Variants in C8orf34 observed in about 807,000 individuals in gnomAD.
C8orf34 encodes the protein chromosome 8 open reading frame 34.
A neutral mutation model predicts 68.3 loss-of-function variants in C8orf34; 65 were observed. That is an observed-to-expected ratio of 0.95 (90% confidence interval 0.78 to 1.17). The LOEUF is 1.17. C8orf34 is among the 50% of genes most tolerant of loss of function. The pLI is 0.00. For synonymous variants in C8orf34, 244 were observed against 241.2 expected (o/e 1.01, Z -0.11); for missense variants, 664 against 655.4 (o/e 1.01, Z -0.14).
chr8:68,588,677 T>G (rs186730972), intron 7 of C8orf34, among the ~76,000 whole-genome samples: 134 of 152,250 alleles, frequency 8.8e-4, no homozygotes, highest in African/African-American at 3.0e-3. Flanking sequence ...ATTAGATAGG[T>G]CTTCATGCAT....
At chr8:68,516,647 T>TTTATTTA (rs973721137) in intron 5 of C8orf34, among the ~76,000 whole-genome samples, 1 of 151,830 alleles carries the variant, frequency 6.6e-6, no homozygotes, top group African/African-American at 2.4e-5. Flanking sequence ...TATTTATTTA[T>TTTATTTA]TTTTTATTTA....
chr8:68,421,142 C>G (rs1425268098), intron 1 of C8orf34, among the ~76,000 whole-genome samples: 1 of 152,126 alleles, frequency 6.6e-6, no homozygotes, highest in Non-Finnish European at 1.5e-5. Context: ...CAAGACAAAA[C>G]TGTGTTTCAA....
intron 8 of C8orf34, among the ~76,000 whole-genome samples, chr8:68,642,046 G>C (rs1236434178): frequency 6.6e-6 from 1 of 152,122 alleles, no homozygotes; most frequent in Non-Finnish European, 1.5e-5. Flanking sequence ...GAAAACTGAG[G>C]CATGTATTGA....
chr8:68,546,972 T>C (rs1300727189), intron 7 of C8orf34, among the ~76,000 whole-genome samples: 1 of 151,786 alleles, frequency 6.6e-6, no homozygotes, highest in East Asian at 1.9e-4. Flanking sequence ...AAGAAAGTTT[T>C]AAAATTATTG....
chr8:68,420,193 C>T (rs1441915550), intron 1 of C8orf34, among the ~76,000 whole-genome samples: 10 of 151,188 alleles, frequency 6.6e-5, no homozygotes, highest in Non-Finnish European at 1.2e-4. Context: ...CTTTTTATAG[C>T]TTCCCAGGGA....
chr8:68,365,202 G>C (rs1440412275), intron 1 of C8orf34, among the ~76,000 whole-genome samples: 1 of 126,114 alleles, frequency 7.9e-6, no homozygotes, highest in African/African-American at 3.1e-5. Flanking sequence ...CCAGGAAGAA[G>C]TTGAATCTCT....
intron 7 of C8orf34, among the ~76,000 whole-genome samples, chr8:68,610,326 T>C (rs1817979437): frequency 6.6e-6 from 1 of 152,162 alleles, no homozygotes; most frequent in Non-Finnish European, 1.5e-5. Flanking sequence ...TTTGTGGCAC[T>C]ACATGTACCA....
chr8:68,705,129 G>A (rs561591850), intron 8 of C8orf34, among the ~76,000 whole-genome samples: 1 of 152,278 alleles, frequency 6.6e-6, no homozygotes, highest in South Asian at 2.1e-4. Flanking sequence ...AGATGAGTTT[G>A]CTTTTGGACA....
intron 10 of C8orf34, among the ~76,000 whole-genome samples, chr8:68,738,657 A>G (rs1822189547): frequency 6.6e-6 from 1 of 152,018 alleles, no homozygotes; most frequent in African/African-American, 2.4e-5. Flanking sequence ...ATATAAGCAC[A>G]TCTATGCAGA....
chr8:68,747,277 C>G (rs1338439794), intron 10 of C8orf34, among the ~76,000 whole-genome samples: 1 of 150,720 alleles, frequency 6.6e-6, no homozygotes, highest in African/African-American at 2.4e-5. Context: ...CAGCCAATAT[C>G]ATACTGAATG....
At chr8:68,812,202 A>G (rs1213774617) in intron 12 of C8orf34, among the ~76,000 whole-genome samples, 2 of 152,220 alleles carry the variant, frequency 1.3e-5, no homozygotes, top group Non-Finnish European at 2.9e-5. Context: ...AAAGTCATCC[A>G]GAAAATTAAG....
At chr8:68,487,471 G>C (rs1240419784) in intron 4 of C8orf34, among the ~76,000 whole-genome samples, 10 of 152,128 alleles carry the variant, frequency 6.6e-5, no homozygotes, top group Admixed American at 6.5e-4. Context: ...GGATGGTGGG[G>C]GAAGGAACTT....
chr8:68,331,209 C>T lies in C8orf34; in HGVS notation c.197C>T (p.Pro66Leu). ...GPSPGKRRVVPSGGAQPRVLP... is the reference protein window; with the variant it reads ...GPSPGKRRVVLSGGAQPRVLP... ...AGTCCGGGTAAAAGGAGGGTTGTCC[C>T]CAGCGGAGGCGCACAGCCGCGCGTT... Residue 66 changes from proline (P) to leucine (L), a missense_variant, in exon 1 of 14, where the codon CCC becomes CTC. Transcript: ENST00000518698. 2 of 1,535,758 alleles carry T rather than the reference C, an allele frequency of 1.3e-6. No individual in the cohort carries two copies. The highest frequency in any genetic ancestry group is 1.7e-6 in the Non-Finnish European group (2 of 1,146,730).
chr8:68,348,481 T>G (rs1277191597), intron 1 of C8orf34, among the ~76,000 whole-genome samples: 1 of 152,092 alleles, frequency 6.6e-6, no homozygotes, highest in East Asian at 1.9e-4. Context: ...TTAAAATAGT[T>G]TTTTCTATTT....
At chr8:68,564,459 G>A (rs1224702444) in intron 7 of C8orf34, among the ~76,000 whole-genome samples, 2 of 152,144 alleles carry the variant, frequency 1.3e-5, no homozygotes, top group Admixed American at 1.3e-4. Flanking sequence ...GCCTGAAATG[G>A]GTGGCCTTAT....
chr8:68,386,947 C>A (rs1344506686), intron 1 of C8orf34, among the ~76,000 whole-genome samples: 1 of 152,032 alleles, frequency 6.6e-6, no homozygotes, highest in Non-Finnish European at 1.5e-5. Context: ...AAAATCACCA[C>A]AAATTAATAA....
At chr8:68,794,161 T>TC (rs1563673674) in intron 12 of C8orf34, among the ~76,000 whole-genome samples, 1 of 151,948 alleles carries the variant, frequency 6.6e-6, no homozygotes, top group African/African-American at 2.4e-5. Flanking sequence ...GAATTTTTTT[T>TC]CTGTTTTTAA....
chr8:68,337,947 A>C (rs570201606), intron 1 of C8orf34, among the ~76,000 whole-genome samples: 4 of 152,318 alleles, frequency 2.6e-5, no homozygotes, highest in Admixed American at 6.5e-5. Context: ...TGAGGGAGAC[A>C]CTTTCTCCTT....
chr8:68,616,620 T>C (rs965361457), intron 7 of C8orf34, among the ~76,000 whole-genome samples: 1 of 152,200 alleles, frequency 6.6e-6, no homozygotes, highest in African/African-American at 2.4e-5. Flanking sequence ...TTCTTAATCC[T>C]GAGTTCTAGT....
Sources: allele counts gnomAD v4.1 joint callset (sites outside exome capture counted in the v4.1 genomes callset), GRCh38; gene constraint gnomAD v4.1.1; transcripts MANE v1.5; gene names NCBI Gene and HGNC (gene_info 2026-07-23, HGNC 2026-07-21).